RIMBP2: variants seen among roughly 807,000 people sequenced by gnomAD.
The protein encoded by RIMBP2 is RIMS-binding protein 2.
In RIMBP2, 48 loss-of-function variants were observed where a neutral mutation model predicts 118.6. The observed-to-expected ratio is 0.40, with a 90% CI of 0.32 to 0.51. The LOEUF (loss-of-function observed/expected upper bound fraction) is 0.51. Ranked by LOEUF, RIMBP2 falls within the 20% of genes least tolerant of loss-of-function variation. The pLI is 0.41. For missense variants in RIMBP2, 1,551 were observed against 1,768.3 expected (o/e 0.88, Z 2.20); for synonymous variants, 762 against 742.9 (o/e 1.03, Z -0.42).
At chr12:130,479,804 C>T (rs556723128) in intron 4 of RIMBP2, among the ~76,000 whole-genome samples, 67 of 151,930 alleles carry the variant, frequency 4.4e-4, no homozygotes, top group Non-Finnish European at 7.1e-4. Context: ...GGGTTCCTGG[C>T]TCTGTCCTCT....
At chr12:130,553,503 G>C (rs551491058) in intron 2 of RIMBP2, among the ~76,000 whole-genome samples, 2 of 152,242 alleles carry the variant, frequency 1.3e-5, no homozygotes, top group Admixed American at 6.5e-5. Context: ...TTGACAATTA[G>C]GAGGCCGAGG....
rs575542237 is a variant in RIMBP2, at chr12:130,609,681, T to C, written c.-217+18641A>G. On this transcript the variant is annotated intron_variant, in intron 2 of 22. Transcript: ENST00000690449. ...CTGCCGTCTGGAGAGCCAGGAATAC[T>C]GATGGTGGGAATTCAGCCTGAGACT... is the stretch of plus-strand genomic sequence containing the variant. 1.1e-4 allele frequency among the ~76,000 whole-genome samples: 17 copies of C among 152,188 alleles called. 2 individuals carry two copies. Among genetic ancestry groups the C allele is most frequent in the Non-Finnish European group, 1.8e-4 (12 of 68,026 alleles).
intron 21 of RIMBP2, among the ~76,000 whole-genome samples, chr12:130,404,308 G>A (rs371162348): frequency 2.0e-5 from 3 of 152,092 alleles, no homozygotes; most frequent in African/African-American, 4.8e-5. Flanking sequence ...ATTCCTTTTT[G>A]TTTGTTTTTG....
At chr12:130,522,316 G>C (rs533909330) in intron 2 of RIMBP2, among the ~76,000 whole-genome samples, 1 of 152,238 alleles carries the variant, frequency 6.6e-6, no homozygotes, top group East Asian at 1.9e-4. Context: ...AGGGAGAGCC[G>C]TGTAACACAC....
chr12:130,670,187 G>C lies in RIMBP2; in HGVS notation c.-351-41731C>G, dbSNP rs2064133128. On this transcript the variant is annotated intron_variant, in intron 1 of 22. Coordinates refer to ENST00000690449, the MANE Select transcript of RIMBP2 (RefSeq NM_001393629.1). The surrounding 1 kb of genome is among the most constrained non-coding windows in gnomAD (Gnocchi z 4.9). ...GCCTACGGTTGGGAGAGACAAGGAAGAGGCCCTCCCTTGAGCTCTGGGAGG... is the reference window on the plus strand; with the variant it reads ...GCCTACGGTTGGGAGAGACAAGGAACAGGCCCTCCCTTGAGCTCTGGGAGG... Among the ~76,000 whole-genome samples the C allele has an allele frequency of 6.6e-6, 1 of 152,198 alleles. No homozygotes were observed. The highest frequency in any genetic ancestry group is 6.5e-5 in the Admixed American group (1 of 15,294).
At chr12:130,572,230 G>C (rs1211358842) in intron 2 of RIMBP2, among the ~76,000 whole-genome samples, 1 of 152,196 alleles carries the variant, frequency 6.6e-6, no homozygotes, top group East Asian at 1.9e-4. Context: ...TTAGGAGGAG[G>C]GGCCTCCCAC....
rs986405629 is a variant in RIMBP2, at chr12:130,397,184, A to G, written c.*177T>C. 2 of 366,982 alleles carry G rather than the reference A, an allele frequency of 5.4e-6. No homozygotes were observed. Among genetic ancestry groups the G allele is most frequent in the Non-Finnish European group, 4.8e-6 (1 of 206,684 alleles). 22.7% of individuals were successfully genotyped at this position (366,982 alleles called of 1,614,324 possible). On this transcript the variant is annotated 3_prime_UTR_variant, in exon 23 of 23. Coordinates refer to ENST00000690449, the MANE Select transcript of RIMBP2 (RefSeq NM_001393629.1). ...AGACTGCCAGCGGTGACAGAGAGCA[A>G]CCGCTCCTCTTTGTTCTCGTGGTTG...
At chr12:130,504,631 C>T (rs1383939760) in intron 4 of RIMBP2, among the ~76,000 whole-genome samples, 4 of 152,126 alleles carry the variant, frequency 2.6e-5, no homozygotes, top group African/African-American at 9.7e-5. Flanking sequence ...CCCTGTGAGG[C>T]TCATCTCAGA....
intron 2 of RIMBP2, among the ~76,000 whole-genome samples, chr12:130,593,057 G>T (rs913714605): frequency 1.2e-4 from 18 of 152,168 alleles, no homozygotes; most frequent in African/African-American, 4.1e-4. Context: ...TTCAGCCTCG[G>T]CTCAGTTCCT....
chr12:130,689,463 C>T (rs140323179), intron 1 of RIMBP2, among the ~76,000 whole-genome samples: 1 of 152,104 alleles, frequency 6.6e-6, no homozygotes, highest in African/African-American at 2.4e-5. Context: ...AAATAAGTAA[C>T]GACATCCCCT....
intron 4 of RIMBP2, among the ~76,000 whole-genome samples, chr12:130,487,028 G>A (rs554558454): frequency 1.3e-5 from 2 of 152,356 alleles, no homozygotes; most frequent in East Asian, 3.9e-4. Context: ...CCTGGCTGCA[G>A]CCAACAGGCT....
At chr12:130,409,189 T>C (rs1296926762) in intron 19 of RIMBP2, among the ~76,000 whole-genome samples, 1 of 152,114 alleles carries the variant, frequency 6.6e-6, no homozygotes, top group Non-Finnish European at 1.5e-5. Context: ...GCACACACAG[T>C]CCAGAAACCC....
intron 3 of RIMBP2, among the ~76,000 whole-genome samples, chr12:130,512,695 C>T (rs542739749): frequency 4.6e-5 from 7 of 152,282 alleles, no homozygotes; most frequent in South Asian, 4.1e-4. Context: ...CAGTCTCCTA[C>T]TAAAGGAGAA....
intron 19 of RIMBP2, among the ~76,000 whole-genome samples, chr12:130,408,349 G>A (rs1376006326): frequency 6.6e-6 from 1 of 152,204 alleles, no homozygotes; most frequent in Non-Finnish European, 1.5e-5. Flanking sequence ...CATAAACAGG[G>A]ATGCCTTCTC....
rs796150182 is a variant in RIMBP2, at chr12:130,646,262, T to G, written c.-351-17806A>C. On this transcript the variant is annotated intron_variant, in intron 1 of 22. Transcript: ENST00000690449. The stretch of plus-strand genomic sequence containing the variant: ...CTCCACCTCCCTCACCACTTCCCTC[T>G]CCACCTGCCTCACCACCTCCCTCAC... Among the ~76,000 whole-genome samples the G allele has an allele frequency of 1.0e-3, 15 of 14,320 alleles. 2 individuals are homozygous for G. The highest frequency in any genetic ancestry group is 1.9e-3 in the African/African-American group (7 of 3,614). The allele number at this position is 14,320 out of a possible 152,430, so 9.4% of individuals were successfully genotyped here.
chr12:130,695,138 T>G (rs2065506714), intron 1 of RIMBP2, among the ~76,000 whole-genome samples: 1 of 152,218 alleles, frequency 6.6e-6, no homozygotes, highest in Non-Finnish European at 1.5e-5. Context: ...GAGGTTTTCT[T>G]TTTTATAATC....
chr12:130,532,129 C>A (rs2053470620), intron 2 of RIMBP2, among the ~76,000 whole-genome samples: 1 of 150,454 alleles, frequency 6.6e-6, no homozygotes, highest in Non-Finnish European at 1.5e-5. Flanking sequence ...GTGTGTGTAG[C>A]CTCTAGGAGT....
At chr12:130,501,676 G>A (rs758174370) in intron 4 of RIMBP2, among the ~76,000 whole-genome samples, 10 of 152,268 alleles carry the variant, frequency 6.6e-5, no homozygotes, top group African/African-American at 1.9e-4. Flanking sequence ...ATACGACTTC[G>A]GAGCTGCCTT....
At position 130,438,466 on chromosome 12, in the gene RIMBP2, C is replaced by CG; in HGVS notation, c.1554dup (p.Ala519ArgfsTer37). The CG allele has an allele frequency of 6.2e-7, 1 of 1,612,386 alleles. No individual in the cohort carries two copies. The highest frequency in any genetic ancestry group is 8.5e-7 in the Non-Finnish European group (1 of 1,179,396). On this transcript the variant is annotated frameshift_variant, in exon 12 of 23. Transcript: ENST00000690449. LOFTEE classifies it high-confidence loss of function. Reference sequence around the variant, plus strand: ...GGTCTCCAGGAGACCCGGATGGTGGCGGGGGTCACCCCAGCCTGGACGGTA... The same window carrying CG: ...GGTCTCCAGGAGACCCGGATGGTGGCGGGGGGTCACCCCAGCCTGGACGGTA...
Sources: allele counts gnomAD v4.1 joint callset (sites outside exome capture counted in the v4.1 genomes callset), GRCh38; gene constraint gnomAD v4.1.1; non-coding constraint Gnocchi (gnomAD v3.1); transcripts MANE v1.5; gene names NCBI Gene and HGNC (gene_info 2026-07-23, HGNC 2026-07-21).